The following ZNF821 variants were observed in gnomAD, a reference collection of about 807,000 sequenced individuals.
ZNF821 encodes the protein zinc finger protein 821.
ZNF821 carries 16 observed loss-of-function variants against 44.3 expected under a neutral mutation model. The observed-to-expected ratio is 0.36, with a 90% CI of 0.24 to 0.55. The LOEUF is 0.55. Ranked by LOEUF, ZNF821 falls within the 20% of genes least tolerant of loss-of-function variation. ZNF821 has a pLI of 0.86. For synonymous variants in ZNF821, 204 were observed against 197.6 expected, an observed-to-expected ratio of 1.03 and a Z score of -0.27; for missense variants, 436 against 547.6, an observed-to-expected ratio of 0.80 and a Z score of 2.03.
rs139601421 is a variant in ZNF821, at chr16:71,877,780, C to T, written c.40+2127G>A. Among the ~76,000 whole-genome samples, 948 of 150,816 alleles carry T rather than the reference C, an allele frequency of 6.3e-3. 14 individuals are homozygous for T. Among genetic ancestry groups the T allele is most frequent in the African/African-American group, 0.02 (839 of 41,052 alleles). ...CAAAAAATACAAATATTTAGCCGGGCGTGGTGGCATGCACCTGTAGTCCCA... is the reference window on the plus strand; with the variant it reads ...CAAAAAATACAAATATTTAGCCGGGTGTGGTGGCATGCACCTGTAGTCCCA... On this transcript the variant is annotated intron_variant, in intron 3 of 7. Coordinates refer to ENST00000425432, the MANE Select transcript of ZNF821 (RefSeq NM_001201552.2).
At chr16:71,865,184 G>A in intron 4 of ZNF821, 136 bp from the exon 5 acceptor site, 1 of 1,176,776 alleles carries the variant, frequency 8.5e-7, no homozygotes, top group Admixed American at 2.2e-5. Context: ...GTTTTGTTGG[G>A]TACATATTAT....
In ZNF821 at chr16:71,860,385, TC is replaced by T; in HGVS notation, c.871del (p.Glu291ArgfsTer5). 1 of 1,612,100 alleles carries T rather than the reference TC, an allele frequency of 6.2e-7. No homozygotes were observed. Among genetic ancestry groups the T allele is most frequent in the Non-Finnish European group, 8.5e-7 (1 of 1,180,012 alleles). ...CCTCATGCGCCTCACCTCCCGCTCC[TC>T]GGGGGTCTCATTGTCCCGCCGGCTC... Reference protein sequence around the residue: ...KKSRRDNETPEEREVRRMRDR... With the variant: ...KKSRRDNETPXEREVRRMRDR... On this transcript the variant is annotated frameshift_variant, in exon 8 of 8. Transcript: ENST00000425432. LOFTEE classifies it high-confidence loss of function. The surrounding 1 kb of genome is among the most constrained non-coding windows in gnomAD (Gnocchi z 7.3).
intron 1 of ZNF821, among the ~76,000 whole-genome samples, chr16:71,893,322 C>T (rs1339587412): frequency 6.6e-6 from 1 of 151,080 alleles, no homozygotes; most frequent in Non-Finnish European, 1.5e-5. Flanking sequence ...CCACCGCGCC[C>T]GGCCAATTTT....
chr16:71,864,658 A>G, intron 5 of ZNF821: 1 of 495,136 alleles, frequency 2.0e-6, no homozygotes, highest in South Asian at 2.8e-5. Flanking sequence ...GTCTGGAAAG[A>G]CGTGGGGAGC....
chr16:71,890,151 GTTCT>G (rs773644828), intron 1 of ZNF821, among the ~76,000 whole-genome samples: 7 of 152,160 alleles, frequency 4.6e-5, no homozygotes, highest in Non-Finnish European at 8.8e-5. Context: ...TGTTTCATGG[GTTCT>G]TTAACAAGTG....
chr16:71,889,764 G>A (rs1444268319), upstream of ZNF821, among the ~76,000 whole-genome samples: 4 of 152,058 alleles, frequency 2.6e-5, no homozygotes, highest in Non-Finnish European at 2.9e-5. Context: ...AGACCGGGCA[G>A]CATGGCAAAA....
intron 4 of ZNF821, among the ~76,000 whole-genome samples, chr16:71,865,487 G>C (rs898609073): frequency 1.3e-5 from 2 of 152,092 alleles, no homozygotes; most frequent in East Asian, 3.9e-4. Context: ...ATTCTACTCT[G>C]AACCCCACTA....
At chr16:71,894,986 C>G in exon 1 of ZNF821, 1 of 675,470 alleles carries the variant, frequency 1.5e-6, no homozygotes, top group Admixed American at 2.6e-5. Flanking sequence ...AAAGGGCAAC[C>G]GGACGGCTTA....
At chr16:71,874,845 G>A (rs1242674796) in intron 3 of ZNF821, among the ~76,000 whole-genome samples, 1 of 152,188 alleles carries the variant, frequency 6.6e-6, no homozygotes, top group African/African-American at 2.4e-5. Context: ...GACTCACATG[G>A]TCAGAAAATG....
intron 3 of ZNF821, among the ~76,000 whole-genome samples, chr16:71,871,959 G>A (rs1441238314): frequency 2.0e-5 from 3 of 151,914 alleles, no homozygotes; most frequent in Admixed American, 6.6e-5. Flanking sequence ...AACTTCCCAA[G>A]TAGTTGGGAT....
intron 1 of ZNF821, among the ~76,000 whole-genome samples, chr16:71,893,029 C>CTTTTTTTTTTT (rs1199482590): frequency 0.031 from 2,043 of 65,860 alleles, 368 homozygotes; most frequent in Non-Finnish European, 0.039. Flanking sequence ...CCCTGCCTGG[C>CTTTTTTTTTTT]TTTTTTTTTT....
chr16:71,873,956 A>ATTT (rs138380961), intron 3 of ZNF821, among the ~76,000 whole-genome samples: 6 of 123,264 alleles, frequency 4.9e-5, no homozygotes, highest in East Asian at 2.4e-4. Flanking sequence ...CCCGGCTGGA[A>ATTT]TTTTTTTTTT....
intron 3 of ZNF821, among the ~76,000 whole-genome samples, chr16:71,868,944 G>A (rs996719461): frequency 6.6e-5 from 10 of 152,100 alleles, no homozygotes; most frequent in Non-Finnish European, 1.3e-4. Flanking sequence ...TTACAGGCGT[G>A]AGCCACCATG....
chr16:71,862,522 C>A (rs570234777), intron 6 of ZNF821, among the ~76,000 whole-genome samples: 1 of 152,280 alleles, frequency 6.6e-6, no homozygotes, highest in South Asian at 2.1e-4. Context: ...CGCCAGAGCC[C>A]TCTTCAGAGC....
chr16:71,863,479 T>C (rs2034164523), intron 6 of ZNF821, among the ~76,000 whole-genome samples: 1 of 144,276 alleles, frequency 6.9e-6, no homozygotes, highest in Non-Finnish European at 1.5e-5. Flanking sequence ...CTCAACCTCC[T>C]AGGCTCAAGC....
rs750933121 is a variant in ZNF821, at chr16:71,860,219, C to T, written c.1038G>A (p.Glu346=). The change falls in exon 8 of 8, where the codon GAG becomes GAA. Residue 346 remains glutamate, a synonymous_variant. Coordinates refer to ENST00000425432, the MANE Select transcript of ZNF821 (RefSeq NM_001201552.2). The surrounding 1 kb of genome is among the most constrained non-coding windows in gnomAD (Gnocchi z 7.3). Reference sequence around the variant, plus strand: ...TCCTCTTGAGCCGCTTGGCCTCTCGCTCTCGGATGAGCCGGGCCTGCCGCT... The same window carrying T: ...TCCTCTTGAGCCGCTTGGCCTCTCGTTCTCGGATGAGCCGGGCCTGCCGCT... ...PEKRQARLIR[E]REAKRLKRRL... is the part of the protein sequence containing the mutation. 2 of 1,614,234 alleles carry T rather than the reference C, an allele frequency of 1.2e-6. No homozygotes were observed. The highest frequency in any genetic ancestry group is 3.3e-5 in the Admixed American group (2 of 60,034).
At chr16:71,867,845 G>A (rs2142382321) in intron 4 of ZNF821, 67 bp downstream of exon 4, 1 of 1,517,886 alleles carries the variant, frequency 6.6e-7, no homozygotes, top group Non-Finnish European at 8.8e-7. Flanking sequence ...ACAATCCCCA[G>A]AGCACACACA....
intron 4 of ZNF821, 152 bp from the exon 5 acceptor site, chr16:71,865,200 G>A (rs1483974332): frequency 2.0e-6 from 2 of 1,013,202 alleles, no homozygotes; most frequent in Non-Finnish European, 2.9e-6. Flanking sequence ...ATTATGTCAA[G>A]TGGAAACCAA....
chr16:71,878,736 C>CCT (rs1356410856), intron 3 of ZNF821, among the ~76,000 whole-genome samples: 1 of 151,968 alleles, frequency 6.6e-6, no homozygotes, highest in African/African-American at 2.4e-5. Flanking sequence ...TCAAGGCCAG[C>CCT]CTCGCCAACA....
Sources: allele counts gnomAD v4.1 joint callset (sites outside exome capture counted in the v4.1 genomes callset), GRCh38; gene constraint gnomAD v4.1.1; non-coding constraint Gnocchi (gnomAD v3.1); transcripts MANE v1.5; gene names NCBI Gene and HGNC (gene_info 2026-07-23, HGNC 2026-07-21).